Variants in GRM1 observed in about 807,000 individuals in gnomAD.
GRM1 encodes glutamate metabotropic receptor 1, also known as metabotropic glutamate receptor 1.
In GRM1, 33 loss-of-function variants were observed where a neutral mutation model predicts 90.9. That is an observed-to-expected ratio of 0.36 (90% CI 0.28 to 0.49). The LOEUF is 0.49. Among genes scored for constraint, GRM1 ranks in the 20% least tolerant of loss-of-function variants. The probability of loss-of-function intolerance (pLI) is 0.99; values close to 1 mark genes in which losing one functional copy is unlikely to be tolerated. For synonymous variants in GRM1, 700 were observed against 613.2 expected, an observed-to-expected ratio of 1.14 and a Z score of -2.09; for missense variants, 1,190 against 1,534.3, an observed-to-expected ratio of 0.78 and a Z score of 3.75.
intron 3 of GRM1, among the ~76,000 whole-genome samples, chr6:146,340,697 C>T (rs1183661235): frequency 6.6e-6 from 1 of 152,102 alleles, no homozygotes; most frequent in African/African-American, 2.4e-5. Context: ...AGGCATGCAC[C>T]ACTACACCCA....
chr6:146,071,886 G>T (rs1470256323), intron 1 of GRM1, among the ~76,000 whole-genome samples: 1 of 152,128 alleles, frequency 6.6e-6, no homozygotes, highest in Non-Finnish European at 1.5e-5. Context: ...GTATGACCTT[G>T]GCTGAGGCAA....
At chr6:146,260,737 C>T (rs2114790590) in intron 2 of GRM1, among the ~76,000 whole-genome samples, 1 of 146,552 alleles carries the variant, frequency 6.8e-6, no homozygotes, top group African/African-American at 2.6e-5. Context: ...AATCTGTTGG[C>T]CATTTGTATG....
chr6:146,274,722 T>C (rs1490397335), intron 2 of GRM1, among the ~76,000 whole-genome samples: 2 of 152,206 alleles, frequency 1.3e-5, no homozygotes, highest in Non-Finnish European at 2.9e-5. Flanking sequence ...AAAGAATGCC[T>C]GCTTTATGAA....
chr6:146,428,427 T>A (rs1466749755), intron 7 of GRM1, among the ~76,000 whole-genome samples: 1 of 152,198 alleles, frequency 6.6e-6, no homozygotes, highest in Non-Finnish European at 1.5e-5. Context: ...AATTGGTGAA[T>A]TTTCCAGTTG....
intron 2 of GRM1, among the ~76,000 whole-genome samples, chr6:146,238,833 C>A (rs762710943): frequency 8.5e-5 from 13 of 152,102 alleles, no homozygotes; most frequent in Non-Finnish European, 1.8e-4. Flanking sequence ...ATTTTATGCT[C>A]TTTCCCTAAT....
intron 7 of GRM1, among the ~76,000 whole-genome samples, chr6:146,424,311 C>T (rs985077652): frequency 6.6e-6 from 1 of 152,208 alleles, no homozygotes; most frequent in African/African-American, 2.4e-5. Context: ...ATATATCAGA[C>T]CCTGATCTTG....
intron 2 of GRM1, among the ~76,000 whole-genome samples, chr6:146,219,594 A>C (rs1281543319): frequency 6.6e-6 from 1 of 152,170 alleles, no homozygotes; most frequent in African/African-American, 2.4e-5. Flanking sequence ...TGTAAGACAT[A>C]GTGAAGATTA....
intron 5 of GRM1, among the ~76,000 whole-genome samples, chr6:146,360,473 G>C (rs1156524697): frequency 6.6e-6 from 1 of 152,206 alleles, no homozygotes; most frequent in Non-Finnish European, 1.5e-5. Flanking sequence ...GGTTTACTAG[G>C]GGAAATTTAA....
intron 2 of GRM1, among the ~76,000 whole-genome samples, chr6:146,165,282 C>T (rs1232808744): frequency 1.3e-5 from 2 of 152,070 alleles, no homozygotes; most frequent in Non-Finnish European, 2.9e-5. Flanking sequence ...TTTCAGAACA[C>T]ACATTTGGGA....
chr6:146,269,682 C>A (rs920172351), intron 2 of GRM1, among the ~76,000 whole-genome samples: 3 of 152,180 alleles, frequency 2.0e-5, no homozygotes, highest in Non-Finnish European at 4.4e-5. Flanking sequence ...GAATGCAAAC[C>A]CTGTTGTAAA....
intron 1 of GRM1, among the ~76,000 whole-genome samples, chr6:146,152,184 A>C (rs1253445229): frequency 6.6e-6 from 1 of 152,138 alleles, no homozygotes; most frequent in Non-Finnish European, 1.5e-5. Context: ...ATCTTGAAAC[A>C]GAGTGTCATT....
intron 6 of GRM1, among the ~76,000 whole-genome samples, chr6:146,397,473 C>CAAAAAAAAAAAAA (rs1195779695): frequency 3.6e-4 from 6 of 16,772 alleles, no homozygotes; most frequent in African/African-American, 8.7e-4. Context: ...GACCCCGTCT[C>CAAAAAAAAAAAAA]AAAAAAAAAA....
chr6:146,099,395 CTG>C (rs961522967), intron 1 of GRM1, among the ~76,000 whole-genome samples: 3 of 152,046 alleles, frequency 2.0e-5, no homozygotes, highest in African/African-American at 7.2e-5. Flanking sequence ...AGCAAATAAT[CTG>C]TGTTAAAACT....
chr6:146,304,730 T>G lies in GRM1; in HGVS notation c.1070T>G (p.Leu357Arg). Residue 357 changes from leucine (L) to arginine (R), a missense_variant, in exon 3 of 8, where the codon CTG (leucine) becomes CGG (arginine). By Grantham distance (102) the Leu-to-Arg change is moderately radical. This residue lies in a region of GRM1 where 414 missense variants were observed against 598.4 expected (regional missense o/e 0.69). Transcript: ENST00000282753. ...TCATTTGATGATTATTTCCTGAAAC[T>G]GAGGCTGGACACTAACACGAGGAAT... is the stretch of plus-strand genomic sequence containing the variant. ...VRSFDDYFLKLRLDTNTRNPW... is the reference protein window; with the variant it reads ...VRSFDDYFLKRRLDTNTRNPW... 1 of 1,613,918 alleles carries G rather than the reference T, an allele frequency of 6.2e-7. No individual in the cohort carries two copies. The highest frequency in any genetic ancestry group is 8.5e-7 in the Non-Finnish European group (1 of 1,179,858).
intron 3 of GRM1, among the ~76,000 whole-genome samples, chr6:146,348,843 C>T (rs183171034): frequency 6.6e-6 from 1 of 152,252 alleles, no homozygotes; most frequent in African/African-American, 2.4e-5. Context: ...AAAGCTTCTC[C>T]TCTGTAGATT....
intron 2 of GRM1, among the ~76,000 whole-genome samples, chr6:146,302,157 A>T (rs1483466777): frequency 6.6e-6 from 1 of 151,340 alleles, no homozygotes; most frequent in Non-Finnish European, 1.5e-5. Context: ...GGAACCTTCT[A>T]TACCAAACCC....
At chr6:146,167,745 CATT>C (rs1253157038) in intron 2 of GRM1, among the ~76,000 whole-genome samples, 13 of 152,006 alleles carry the variant, frequency 8.6e-5, no homozygotes, top group Admixed American at 1.3e-4. Flanking sequence ...TTTATCTTCT[CATT>C]ATGGAGTCGT....
intron 3 of GRM1, among the ~76,000 whole-genome samples, chr6:146,320,820 T>C (rs1443902674): frequency 6.6e-6 from 1 of 152,194 alleles, no homozygotes; most frequent in Non-Finnish European, 1.5e-5. Flanking sequence ...TGATATCCCC[T>C]TTCTCATATT....
At chr6:146,076,394 A>G (rs954570243) in intron 1 of GRM1, among the ~76,000 whole-genome samples, 4 of 152,188 alleles carry the variant, frequency 2.6e-5, no homozygotes. Context: ...TGTGATTAGA[A>G]GCAATCTGAT....
Sources: allele counts gnomAD v4.1 joint callset (sites outside exome capture counted in the v4.1 genomes callset), GRCh38; gene constraint gnomAD v4.1.1; regional missense constraint gnomAD v4.1.1; transcripts MANE v1.5; gene names NCBI Gene and HGNC (gene_info 2026-07-23, HGNC 2026-07-21).